ADGRF4: variants seen among roughly 807,000 people sequenced by gnomAD.
The protein encoded by ADGRF4 is adhesion G protein-coupled receptor F4.
In ADGRF4, 63 loss-of-function variants were observed where a neutral mutation model predicts 58.5. The observed-to-expected ratio is 1.08, with a 90% confidence interval of 0.88 to 1.33. The LOEUF (loss-of-function observed/expected upper bound fraction) is 1.33, where lower values mean the gene tolerates loss of function less well. Among genes scored for constraint, ADGRF4 ranks in the 40% most tolerant of loss-of-function variants. ADGRF4 has a pLI of 0.00. For synonymous variants in ADGRF4, 313 were observed against 295.4 expected (o/e 1.06, Z -0.61); for missense variants, 931 against 843.9 (o/e 1.10, Z -1.28).
intron 1 of ADGRF4, among the ~76,000 whole-genome samples, chr6:47,706,525 C>T (rs1771713978): frequency 6.6e-6 from 1 of 152,156 alleles, no homozygotes; most frequent in South Asian, 2.1e-4. Context: ...GTCTTTTCCT[C>T]CAAGGGCACA....
Position 47,714,344 on chromosome 6 carries a change from A to C in ADGRF4, c.1099A>C (p.Met367Leu). The change falls in exon 6 of 10, where the codon ATG becomes CTG. Residue 367 changes from methionine to leucine, a missense_variant. By Grantham distance (15) the Met-to-Leu change is conservative (BLOSUM62 2). Transcript: ENST00000283303. ...ATGGGATGAGAAAGCGTGCCAAATG[A>C]TGTTGGATATCAGGAACGAAGTGAA... ...RRWDEKACQM[M>L]LDIRNEVKCR... 6.2e-7 allele frequency: 1 copy of C among 1,614,148 alleles called. No homozygotes were observed.
In ADGRF4 at chr6:47,707,435, T is replaced by A. The variant is rs996058502; in HGVS notation, c.93+97T>A. The A allele has an allele frequency of 1.5e-5, 12 of 776,064 alleles. No individual in the cohort carries two copies. The African/African-American group carries it at 2.1e-4, about 13-fold the overall frequency. 48.1% of individuals were successfully genotyped at this position (776,064 alleles called of 1,614,324 possible). On this transcript the variant is annotated intron_variant, in intron 2 of 9. Transcript: ENST00000283303. ...AAATAAGATGTCATTTTAAATACATTTTCAAATGGTTACAACTTTACTCTT... is the reference window on the plus strand; with the variant it reads ...AAATAAGATGTCATTTTAAATACATATTCAAATGGTTACAACTTTACTCTT...
At position 47,714,462 on chromosome 6, in the gene ADGRF4, G is replaced by A. The variant is rs774139040; in HGVS notation, c.1217G>A (p.Cys406Tyr). The change falls in exon 6 of 10, where the codon TGC (cysteine) becomes TAC (tyrosine). Residue 406 changes from cysteine to tyrosine, a missense_variant. Coordinates refer to ENST00000283303, the MANE Select transcript of ADGRF4 (RefSeq NM_153838.5). ...GACAAAGTTCTGGACTACATCACCT[G>A]CATTGGGCTCAGCGTCTCAATCCTA... ...MTDKVLDYIT[C>Y]IGLSVSILSL... 5.0e-5 allele frequency: 81 copies of A among 1,614,024 alleles called. No homozygotes were observed. Among genetic ancestry groups the A allele is most frequent in the Non-Finnish European group, 6.5e-5 (77 of 1,180,036 alleles).
intron 1 of ADGRF4, among the ~76,000 whole-genome samples, chr6:47,704,369 C>A (rs1460940405): frequency 1.3e-5 from 2 of 152,096 alleles, no homozygotes; most frequent in African/African-American, 4.8e-5. Context: ...CTTCGTCTCG[C>A]CTTCACCCAT....
chr6:47,700,300 G>A (rs536935517), intron 1 of ADGRF4, among the ~76,000 whole-genome samples: 74 of 152,270 alleles, frequency 4.9e-4, no homozygotes, highest in African/African-American at 1.6e-3. Flanking sequence ...ATGTCAGGCC[G>A]CACTCAGCGT....
chr6:47,710,854 T>G lies in ADGRF4; in HGVS notation c.268T>G (p.Cys90Gly). The change falls in exon 4 of 10, where the codon TGT (cysteine) becomes GGT (glycine). Residue 90 changes from cysteine (C) to glycine (G), a missense_variant. Cys to Gly is a radical substitution (Grantham distance 159). Transcript: ENST00000283303. ...QKKWQKSAET[C>G]TSLSVEKLFK... ...AAAGTGGCAAAAATCAGCTGAAACA[T>G]GTACAAGCCTTTCTGTGGAAAAACT... The G allele has an allele frequency of 6.2e-7, 1 of 1,613,442 alleles. No homozygotes were observed. Among genetic ancestry groups the G allele is most frequent in the Non-Finnish European group, 8.5e-7 (1 of 1,179,836 alleles).
chr6:47,702,302 T>C lies in ADGRF4; in HGVS notation c.-17+3508T>C, dbSNP rs79904665. Among the ~76,000 whole-genome samples the C allele has an allele frequency of 4.3e-3, 659 of 152,260 alleles. 3 individuals are homozygous for C. The highest frequency in any genetic ancestry group is 0.014 in the African/African-American group (574 of 41,542). On this transcript the variant is annotated intron_variant, in intron 1 of 9. Coordinates refer to ENST00000283303, the MANE Select transcript of ADGRF4 (RefSeq NM_153838.5). ...TGGTGTTACCCATCGTTTCCCAAACTGATATGACCATGGAACCCCTTTGGC... is the reference window on the plus strand; with the variant it reads ...TGGTGTTACCCATCGTTTCCCAAACCGATATGACCATGGAACCCCTTTGGC...
chr6:47,716,865 C>T lies in ADGRF4; in HGVS notation c.1974+18C>T. ...ATCACAAGGTAATTTGAATTTGCTT[C>T]CTCCTTATAAATGGTTTTCATGTGG... On this transcript the variant is annotated intron_variant, in intron 7 of 9. Transcript: ENST00000283303. 1 of 1,558,784 alleles carries T rather than the reference C, an allele frequency of 6.4e-7. No homozygotes were observed. Among genetic ancestry groups the T allele is most frequent in the South Asian group, 1.2e-5 (1 of 86,708 alleles).
intron 3 of ADGRF4, among the ~76,000 whole-genome samples, chr6:47,708,672 A>T (rs1267272222): frequency 6.6e-6 from 1 of 152,212 alleles, no homozygotes; most frequent in African/African-American, 2.4e-5. Flanking sequence ...CTATTAAAGC[A>T]CTGTAAGATG....
At chr6:47,705,090 G>A (rs1771677742) in intron 1 of ADGRF4, among the ~76,000 whole-genome samples, 1 of 152,034 alleles carries the variant, frequency 6.6e-6, no homozygotes, top group Non-Finnish European at 1.5e-5. Context: ...CACCACACTT[G>A]GCTAATTTTT....
At chr6:47,705,102 G>C (rs973150293) in intron 1 of ADGRF4, among the ~76,000 whole-genome samples, 9 of 152,050 alleles carry the variant, frequency 5.9e-5, no homozygotes, top group African/African-American at 1.4e-4. Context: ...CTAATTTTTT[G>C]TATTTTCAGT....
At chr6:47,716,779 T>TCA (rs751434952) in intron 6 of ADGRF4, 27 bp from the exon 7 acceptor site, 6 of 1,573,520 alleles carry the variant, frequency 3.8e-6, no homozygotes, top group Non-Finnish European at 5.2e-6. Flanking sequence ...AAACCATCCC[T>TCA]CATGAATCTG....
At chr6:47,707,098 G>A in intron 1 of ADGRF4, 132 bp from the exon 2 acceptor site, 2 of 620,722 alleles carry the variant, frequency 3.2e-6, no homozygotes, top group East Asian at 5.5e-5. Context: ...TGCTTTTCCA[G>A]GGCAGGCTGC....
At chr6:47,707,187 A>C (rs1771730698) in intron 1 of ADGRF4, 43 bp from the exon 2 acceptor site, 1 of 1,046,236 alleles carries the variant, frequency 9.6e-7, no homozygotes. Context: ...AGTTGCGTGA[A>C]GTTGTCACCT....
rs574971904 is a variant in ADGRF4, at chr6:47,720,937, G to C, written c.*4-272G>C. ...TCCAAGTTCAGACAGCAGAGCGGGA[G>C]AGAGGGCACTGAGCACCGAGTTTAG... On this transcript the variant is annotated intron_variant, in intron 9 of 9. Coordinates refer to ENST00000283303, the MANE Select transcript of ADGRF4 (RefSeq NM_153838.5). 1.2e-4 allele frequency among the ~76,000 whole-genome samples: 19 copies of C among 152,312 alleles called. 1 individual carries two copies. Among genetic ancestry groups the C allele is most frequent in the South Asian group, 1.2e-3 (6 of 4,826 alleles).
intron 1 of ADGRF4, among the ~76,000 whole-genome samples, chr6:47,702,212 C>T (rs1282151637): frequency 1.3e-5 from 2 of 152,138 alleles, no homozygotes; most frequent in Admixed American, 1.3e-4. Flanking sequence ...AATCTCAGAA[C>T]CTTTGATATG....
chr6:47,709,096 G>A (rs34581234), intron 3 of ADGRF4, among the ~76,000 whole-genome samples: 3,376 of 150,946 alleles, frequency 0.022, 62 homozygotes, highest in Non-Finnish European at 0.034. Context: ...GCAAAGCTTG[G>A]TTCCTTTTCC....
Position 47,708,291 on chromosome 6 carries a change from A to G in ADGRF4, c.148+13A>G. ...GGAAGGATCCAAGGTATGTGGCTATAGAACAGTCTTCATCCATTTGAAGAC... is the reference window on the plus strand; with the variant it reads ...GGAAGGATCCAAGGTATGTGGCTATGGAACAGTCTTCATCCATTTGAAGAC... On this transcript the variant is annotated intron_variant, in intron 3 of 9. Transcript: ENST00000283303. The G allele has an allele frequency of 6.3e-7, 1 of 1,596,434 alleles. No homozygotes were observed. The highest frequency in any genetic ancestry group is 1.1e-5 in the South Asian group (1 of 90,730).
chr6:47,705,635 A>G (rs1455940329), intron 1 of ADGRF4, among the ~76,000 whole-genome samples: 2 of 152,240 alleles, frequency 1.3e-5, no homozygotes, highest in Non-Finnish European at 2.9e-5. Context: ...GTGGCTTGTC[A>G]TCTCAGCTGA....
Sources: gnomAD v4.1 joint callset for allele counts (sites outside exome capture counted in the v4.1 genomes callset) on GRCh38, gnomAD v4.1.1 for gene constraint, MANE v1.5 for transcripts, NCBI Gene and HGNC (gene_info 2026-07-23, HGNC 2026-07-21) for gene names.